JKAMP: variants seen among roughly 807,000 people sequenced by gnomAD.
JKAMP encodes JNK1/MAPK8 associated membrane protein.
JKAMP carries 20 observed loss-of-function variants against 40.2 expected under a neutral mutation model. The ratio of observed to expected loss-of-function variants is 0.50; its 90% confidence interval spans 0.35 to 0.72. JKAMP has a LOEUF of 0.72. JKAMP is among the 30% of genes least tolerant of loss of function. JKAMP has a pLI of 0.01. For synonymous variants in JKAMP, 138 were observed against 131.6 expected, an observed-to-expected ratio of 1.05 and a Z score of -0.33; for missense variants, 276 against 373.0, an observed-to-expected ratio of 0.74 and a Z score of 2.14.
chr14:59,496,841 A>G (rs1253527415), intron 4 of JKAMP, among the ~76,000 whole-genome samples: 2 of 152,196 alleles, frequency 1.3e-5, no homozygotes, highest in Non-Finnish European at 2.9e-5. Context: ...TTATTATACA[A>G]AACAGTGATT....
chr14:59,502,750 A>AATTTTTTTTTTT (rs1891981852), intron 6 of JKAMP, among the ~76,000 whole-genome samples: 3 of 4,906 alleles, frequency 6.1e-4, no homozygotes, highest in African/African-American at 1.0e-3. Context: ...ATAAAATGAG[A>AATTTTTTTTTTT]TTTTTTTTTT....
At chr14:59,491,196 G>C (rs1431080050) in intron 3 of JKAMP, among the ~76,000 whole-genome samples, 1 of 152,184 alleles carries the variant, frequency 6.6e-6, no homozygotes, top group Non-Finnish European at 1.5e-5. Flanking sequence ...TTGGCAGATA[G>C]GTAAAATGTG....
At chr14:59,496,186 G>A (rs1362970486) in intron 4 of JKAMP, among the ~76,000 whole-genome samples, 4 of 152,128 alleles carry the variant, frequency 2.6e-5, no homozygotes, top group African/African-American at 4.8e-5. Flanking sequence ...GATTACAGGC[G>A]TGAGCCACTG....
rs1891350305 is a variant in JKAMP, at chr14:59,495,220, C to T, written c.454C>T (p.Pro152Ser). Residue 152 changes from proline (P) to serine (S), a missense_variant, in exon 4 of 7, where the codon CCA becomes TCA. Pro to Ser is a moderately conservative substitution (Grantham distance 74). Coordinates refer to ENST00000616435, the MANE Select transcript of JKAMP (RefSeq NM_016475.5). ...ACACTGTACTCATGAAGCCGTCTAC[C>T]CACTGTAAGTGTTTATTTCGACTTA... ...TVHCTHEAVY[P>S]LYTIVFIYYA... 2 of 1,599,076 alleles carry T rather than the reference C, an allele frequency of 1.3e-6. No homozygotes were observed. Among genetic ancestry groups the T allele is most frequent in the Non-Finnish European group, 1.7e-6 (2 of 1,166,748 alleles).
chr14:59,498,676 A>G, intron 4 of JKAMP, 51 bp from the exon 5 acceptor site: 2 of 1,029,632 alleles, frequency 1.9e-6, no homozygotes, highest in Non-Finnish European at 2.8e-6. Flanking sequence ...CAAGATTAAA[A>G]ACATTTTTAA....
rs35952578 is a variant in JKAMP at position 59,487,773 on chromosome 14, A to G, written c.196A>G (p.Met66Val). ...TTGGCTCTATCTTGGATTTATGGCA[A>G]TGCTTCCTCTGGTTTTACATTGGTT... ...YDWLYLGFMA[M>V]LPLVLHWFFI... Residue 66 changes from methionine to valine, a missense_variant, in exon 3 of 7, where the codon ATG (methionine) becomes GTG (valine). By Grantham distance (21) the Met-to-Val change is conservative. Coordinates refer to ENST00000616435, the MANE Select transcript of JKAMP (RefSeq NM_016475.5). 147 of 1,613,634 alleles carry G rather than the reference A, an allele frequency of 9.1e-5. No homozygotes were observed. Among genetic ancestry groups the G allele is most frequent in the South Asian group, 2.7e-4 (25 of 91,082 alleles).
Position 59,504,148 on chromosome 14 carries a change from G to C in JKAMP, c.*76G>C. Reference sequence around the variant, plus strand: ...GTAAATCAATCTTAACAGTGTATGAGAACTATTCTATCATATATGGGAACA... The same window carrying C: ...GTAAATCAATCTTAACAGTGTATGACAACTATTCTATCATATATGGGAACA... On this transcript the variant is annotated 3_prime_UTR_variant, in exon 7 of 7. Transcript: ENST00000616435. 1.2e-6 allele frequency: 1 copy of C among 825,614 alleles called. No individual in the cohort carries two copies. Among genetic ancestry groups the C allele is most frequent in the Admixed American group, 2.2e-5 (1 of 45,054 alleles). 51.1% of individuals were successfully genotyped at this position (825,614 alleles called of 1,614,324 possible). A position where few individuals can be genotyped will look rare whatever the true frequency, so the allele number is the denominator to read the frequency against.
intron 1 of JKAMP, chr14:59,485,225 A>G: frequency 8.3e-7 from 1 of 1,204,320 alleles, no homozygotes; most frequent in Non-Finnish European, 1.2e-6. Flanking sequence ...TTAAGCATCT[A>G]CTAGATGTAA....
chr14:59,498,514 A>G (rs891349323), intron 4 of JKAMP, among the ~76,000 whole-genome samples: 1 of 152,204 alleles, frequency 6.6e-6, no homozygotes. Flanking sequence ...TTTTTGGTAC[A>G]TATTTCCAGA....
intron 3 of JKAMP, among the ~76,000 whole-genome samples, chr14:59,492,671 G>A (rs541976223): frequency 6.6e-6 from 1 of 152,116 alleles, no homozygotes; most frequent in Non-Finnish European, 1.5e-5. Flanking sequence ...GGCTTCCAGA[G>A]GAAAAGAGCT....
intron 6 of JKAMP, among the ~76,000 whole-genome samples, chr14:59,502,750 A>ATTTTTTTTTTGTTTTGTTTTGTTTTTT (rs1555339684): frequency 2.0e-4 from 1 of 4,908 alleles, no homozygotes; most frequent in East Asian, 0.014. Context: ...ATAAAATGAG[A>ATTTTTTTTTTGTTTTGTTTTGTTTTTT]TTTTTTTTTT....
chr14:59,503,785 T>C, intron 6 of JKAMP, 69 bp from the exon 7 acceptor site: 1 of 914,350 alleles, frequency 1.1e-6, no homozygotes, highest in Non-Finnish European at 1.7e-6. Context: ...TTAAGTTATA[T>C]TAAATTACCC....
intron 3 of JKAMP, among the ~76,000 whole-genome samples, chr14:59,493,012 A>G (rs987383200): frequency 1.3e-5 from 2 of 151,814 alleles, no homozygotes; most frequent in African/African-American, 4.8e-5. Context: ...GTTAGCCAGG[A>G]TGGTCTTGAT....
intron 5 of JKAMP, among the ~76,000 whole-genome samples, chr14:59,499,650 G>A (rs1429448479): frequency 2.0e-5 from 3 of 152,176 alleles, no homozygotes; most frequent in South Asian, 2.1e-4. Flanking sequence ...GACATTGAAC[G>A]TCCCAAGGAT....
intron 3 of JKAMP, among the ~76,000 whole-genome samples, chr14:59,492,135 A>G (rs923560490): frequency 3.9e-5 from 6 of 152,326 alleles, no homozygotes; most frequent in East Asian, 1.9e-4. Flanking sequence ...ACTGCTACCT[A>G]TAAAGAAAGT....
chr14:59,501,397 G>T (rs1347210131), intron 6 of JKAMP, 130 bp downstream of exon 6: 5 of 596,360 alleles, frequency 8.4e-6, no homozygotes, highest in Non-Finnish European at 1.1e-5. Flanking sequence ...GATGCCACTT[G>T]GTAGCTTTTG....
At chr14:59,485,968 G>A (rs1227209615) in intron 1 of JKAMP, 1 of 152,154 alleles carries the variant, frequency 6.6e-6, no homozygotes, top group Non-Finnish European at 1.5e-5. Context: ...TGTCACTGAT[G>A]AAGAAAACTT....
chr14:59,489,194 T>TCCC (rs1890803622), intron 3 of JKAMP, among the ~76,000 whole-genome samples: 1 of 58,294 alleles, frequency 1.7e-5, no homozygotes, highest in Admixed American at 1.9e-4. Context: ...CCTTTTTAAG[T>TCCC]ATAAGTCCCA....
intron 2 of JKAMP, 179 bp from the exon 3 acceptor site, chr14:59,487,494 AT>A (rs1890671576): frequency 7.8e-6 from 4 of 510,526 alleles, no homozygotes; most frequent in African/African-American, 1.9e-5. Flanking sequence ...TTGTACAAAT[AT>A]AGCACATACA....
Sources: gnomAD v4.1 joint callset for allele counts (sites outside exome capture counted in the v4.1 genomes callset) on GRCh38, gnomAD v4.1.1 for gene constraint, MANE v1.5 for transcripts, NCBI Gene and HGNC (gene_info 2026-07-23, HGNC 2026-07-21) for gene names.